The following IGF1R variants were observed in gnomAD, a reference collection of about 807,000 sequenced individuals.
IGF1R encodes insulin-like growth factor 1 receptor.
A neutral mutation model predicts 144.6 loss-of-function variants in IGF1R; 44 were observed. That is an observed-to-expected ratio of 0.30 (90% CI 0.24 to 0.39). The LOEUF is 0.39. Ranked by LOEUF, IGF1R falls within the 10% of genes least tolerant of loss-of-function variation. The pLI, the probability that IGF1R is intolerant of heterozygous loss-of-function variation, is 1.00. For missense variants in IGF1R, 1,355 were observed against 1,833.7 expected, an observed-to-expected ratio of 0.74 and a Z score of 4.77; for synonymous variants, 795 against 722.8, an observed-to-expected ratio of 1.10 and a Z score of -1.60.
chr15:98,876,242 A>G (rs1489383455), intron 2 of IGF1R, among the ~76,000 whole-genome samples: 2 of 152,014 alleles, frequency 1.3e-5, no homozygotes, highest in Non-Finnish European at 2.9e-5. Context: ...GATTTTACTC[A>G]TGGGATGCCT....
chr15:98,736,293 T>C (rs989859630), intron 2 of IGF1R, among the ~76,000 whole-genome samples: 1 of 152,230 alleles, frequency 6.6e-6, no homozygotes, highest in Non-Finnish European at 1.5e-5. Context: ...AAGGTTAATA[T>C]TATCAATTTA....
chr15:98,657,249 C>T (rs1408324754), intron 1 of IGF1R, among the ~76,000 whole-genome samples: 1 of 152,160 alleles, frequency 6.6e-6, no homozygotes, highest in Admixed American at 6.5e-5. Flanking sequence ...TAGGAGTTTT[C>T]CCCAAATTCA....
At chr15:98,654,351 C>G (rs1256226018) in intron 1 of IGF1R, among the ~76,000 whole-genome samples, 2 of 152,080 alleles carry the variant, frequency 1.3e-5, no homozygotes, top group Non-Finnish European at 2.9e-5. Flanking sequence ...TTAGGAGTCA[C>G]AGGTGTGTAC....
chr15:98,813,065 C>G (rs2056625557), intron 2 of IGF1R, among the ~76,000 whole-genome samples: 1 of 152,274 alleles, frequency 6.6e-6, no homozygotes, highest in South Asian at 2.1e-4. Context: ...AGGCTTACTT[C>G]CTGGGGCCTT....
At chr15:98,879,358 C>A (rs1238013131) in intron 2 of IGF1R, among the ~76,000 whole-genome samples, 5 of 152,072 alleles carry the variant, frequency 3.3e-5, no homozygotes, top group Admixed American at 6.5e-5. Flanking sequence ...GACTTTATTC[C>A]TTTGCTTTTT....
chr15:98,653,689 A>G (rs939313468), intron 1 of IGF1R, among the ~76,000 whole-genome samples: 18 of 152,208 alleles, frequency 1.2e-4, no homozygotes, highest in African/African-American at 3.9e-4. Context: ...CTGGCCTTTC[A>G]ATAGGAAAAG....
At chr15:98,855,060 G>C (rs1196357444) in intron 2 of IGF1R, among the ~76,000 whole-genome samples, 1 of 152,154 alleles carries the variant, frequency 6.6e-6, no homozygotes. Flanking sequence ...GCATCCCACT[G>C]TACTATTTCC....
intron 5 of IGF1R, among the ~76,000 whole-genome samples, chr15:98,906,611 G>T (rs574279157): frequency 2.0e-5 from 3 of 152,224 alleles, no homozygotes; most frequent in African/African-American, 7.2e-5. Flanking sequence ...CAACAGTAGC[G>T]CCAGCTGGGC....
chr15:98,834,298 C>T (rs2057055082), intron 2 of IGF1R, among the ~76,000 whole-genome samples: 1 of 152,214 alleles, frequency 6.6e-6, no homozygotes, highest in Admixed American at 6.5e-5. Flanking sequence ...ATGGTGGAAA[C>T]CTCAGAAGCT....
intron 1 of IGF1R, among the ~76,000 whole-genome samples, chr15:98,677,889 G>A (rs2053087600): frequency 6.6e-6 from 1 of 152,164 alleles, no homozygotes; most frequent in Non-Finnish European, 1.5e-5. Flanking sequence ...GGCCAACCAA[G>A]CATGGTTGGT....
At chr15:98,690,134 G>A (rs2053439799) in intron 1 of IGF1R, among the ~76,000 whole-genome samples, 1 of 152,086 alleles carries the variant, frequency 6.6e-6, no homozygotes, top group South Asian at 2.1e-4. Context: ...TTGAGTCCAG[G>A]AGTTCAAGAC....
At chr15:98,736,707 G>T (rs747710411) in intron 2 of IGF1R, among the ~76,000 whole-genome samples, 37 of 151,444 alleles carry the variant, frequency 2.4e-4, no homozygotes, top group South Asian at 6.3e-4. Flanking sequence ...TGCCTCCCGG[G>T]TTCAAGCAAT....
chr15:98,863,330 GT>G (rs2012260765), intron 2 of IGF1R, among the ~76,000 whole-genome samples: 1 of 152,142 alleles, frequency 6.6e-6, no homozygotes, highest in Non-Finnish European at 1.5e-5. Context: ...GGTGGTCTCT[GT>G]GGCTTCCTCC....
chr15:98,964,255 T>G lies in IGF1R; in HGVS notation c.*6813T>G. 4.3e-6 allele frequency: 1 copy of G among 232,798 alleles called. No individual in the cohort carries two copies. The highest frequency in any genetic ancestry group is 8.5e-6 in the Non-Finnish European group (1 of 117,604). 14.4% of individuals were successfully genotyped at this position (232,798 alleles called of 1,614,324 possible). On this transcript the variant is annotated 3_prime_UTR_variant, in exon 21 of 21. Transcript: ENST00000650285. ...AAAAAAGGTAATAACATGGCCAATTTGTTACATAAAATGACTTTCTGTGTA... is the reference window on the plus strand; with the variant it reads ...AAAAAAGGTAATAACATGGCCAATTGGTTACATAAAATGACTTTCTGTGTA...
rs568659526 is a variant in IGF1R, at chr15:98,740,992, T to C, written c.640+32885T>C. Among the ~76,000 whole-genome samples the C allele has an allele frequency of 1.6e-4, 24 of 152,302 alleles. 1 individual carries two copies. The South Asian group carries it at 5.0e-3, about 32-fold the overall frequency. On this transcript the variant is annotated intron_variant, in intron 2 of 20. Transcript: ENST00000650285. ...AAATCTCAGTTGAGTGTATTTGTGG[T>C]TTAAAAAAAATTCTTTCTGAATAGA...
At chr15:98,836,816 A>G (rs2011103545) in intron 2 of IGF1R, among the ~76,000 whole-genome samples, 1 of 152,220 alleles carries the variant, frequency 6.6e-6, no homozygotes, top group South Asian at 2.1e-4. Context: ...GTTGTTGCAT[A>G]GAATGCTCCA....
intron 2 of IGF1R, among the ~76,000 whole-genome samples, chr15:98,723,562 G>A (rs1306230293): frequency 6.6e-6 from 1 of 152,214 alleles, no homozygotes; most frequent in Non-Finnish European, 1.5e-5. Flanking sequence ...GGAAAGATGA[G>A]GGAGTTTTGA....
At chr15:98,943,541 C>T (rs1013304931) in intron 19 of IGF1R, among the ~76,000 whole-genome samples, 2 of 152,228 alleles carry the variant, frequency 1.3e-5, no homozygotes, top group African/African-American at 4.8e-5. Context: ...GGGCATCCAC[C>T]GTTGTGGACC....
At chr15:98,715,866 G>A (rs2054101960) in intron 2 of IGF1R, among the ~76,000 whole-genome samples, 1 of 152,172 alleles carries the variant, frequency 6.6e-6, no homozygotes, top group East Asian at 1.9e-4. Flanking sequence ...GGTGGGAGAT[G>A]GGATTTTTCT....
Sources: gnomAD v4.1 joint callset for allele counts (sites outside exome capture counted in the v4.1 genomes callset) on GRCh38, gnomAD v4.1.1 for gene constraint, MANE v1.5 for transcripts, NCBI Gene and HGNC (gene_info 2026-07-23, HGNC 2026-07-21) for gene names.